ADGRA3: variants seen among roughly 807,000 people sequenced by gnomAD.
ADGRA3 encodes the protein adhesion G protein-coupled receptor A3, also known as G-protein coupled receptor 125.
ADGRA3 carries 56 observed loss-of-function variants against 119.8 expected under a neutral mutation model. The ratio of observed to expected loss-of-function variants is 0.47; its 90% CI spans 0.38 to 0.58. The LOEUF is 0.58. ADGRA3 is among the 20% of genes least tolerant of loss of function. ADGRA3 has a pLI of 0.00. For synonymous variants in ADGRA3, 607 were observed against 623.8 expected, an observed-to-expected ratio of 0.97 and a Z score of 0.40; for missense variants, 1,516 against 1,649.0, an observed-to-expected ratio of 0.92 and a Z score of 1.40.
chr4:22,461,447 C>A (rs1044831977), intron 3 of ADGRA3, among the ~76,000 whole-genome samples: 15 of 152,156 alleles, frequency 9.9e-5, no homozygotes, highest in Admixed American at 2.0e-4. Context: ...ACTACAGGCA[C>A]ACACCACCAT....
intron 2 of ADGRA3, among the ~76,000 whole-genome samples, chr4:22,463,217 T>C (rs780306817): frequency 2.6e-5 from 4 of 152,190 alleles, no homozygotes; most frequent in Non-Finnish European, 5.9e-5. Flanking sequence ...TCCAACACTA[T>C]TCTTCATTTA....
intron 1 of ADGRA3, among the ~76,000 whole-genome samples, chr4:22,505,327 A>G (rs370635406): frequency 3.0e-4 from 46 of 152,266 alleles, no homozygotes; most frequent in African/African-American, 1.1e-3. Context: ...CGTCTTGCAA[A>G]TTCTCCTTTA....
At chr4:22,414,342 G>T in intron 12 of ADGRA3, 1 of 348,552 alleles carries the variant, frequency 2.9e-6, no homozygotes, top group African/African-American at 2.1e-5. Flanking sequence ...AAATTTCCTT[G>T]AGACTAGGAA....
In ADGRA3 at chr4:22,460,060, G is replaced by A. The variant is rs185351635; in HGVS notation, c.401+1677C>T. ...AAGAGATACATTCTTGCACACCTGC[G>A]CCCACCCTGTTTGGAAGGCCTTTTT... On this transcript the variant is annotated intron_variant, in intron 3 of 18. Coordinates refer to ENST00000334304, the MANE Select transcript of ADGRA3 (RefSeq NM_145290.4). Among the ~76,000 whole-genome samples, 6 of 152,118 alleles carry A rather than the reference G, an allele frequency of 3.9e-5. No homozygotes were observed. The East Asian group carries it at 9.7e-4, about 24-fold the overall frequency.
chr4:22,392,694 C>T lies in ADGRA3; in HGVS notation c.2482-4G>A, dbSNP rs1263792854. On this transcript the variant is annotated splice_region_variant and splice_polypyrimidine_tract_variant and intron_variant, in intron 16 of 18. Coordinates refer to ENST00000334304, the MANE Select transcript of ADGRA3 (RefSeq NM_145290.4). ...AATAGTGAAGAATTATCCCAACCTA[C>T]AAGGAAGATCAAAGAATAAATAAAA... is the stretch of plus-strand genomic sequence containing the variant. 1.9e-6 allele frequency: 3 copies of T among 1,599,012 alleles called. No individual in the cohort carries two copies. The highest frequency in any genetic ancestry group is 2.7e-5 in the African/African-American group (2 of 73,824).
intron 14 of ADGRA3, among the ~76,000 whole-genome samples, chr4:22,409,656 T>C (rs528704604): frequency 6.6e-6 from 1 of 152,236 alleles, no homozygotes; most frequent in South Asian, 2.1e-4. Flanking sequence ...TTAATAAAGA[T>C]TGGCCACCAC....
At chr4:22,487,120 C>A (rs561543307) in intron 1 of ADGRA3, among the ~76,000 whole-genome samples, 1 of 152,338 alleles carries the variant, frequency 6.6e-6, no homozygotes, top group African/African-American at 2.4e-5. Context: ...CTGTTAACGC[C>A]TCTGGGGTTC....
At chr4:22,430,570 G>T (rs1402604100) in intron 10 of ADGRA3, among the ~76,000 whole-genome samples, 2 of 152,122 alleles carry the variant, frequency 1.3e-5, no homozygotes, top group African/African-American at 4.8e-5. Flanking sequence ...CATTCAAGAG[G>T]TGACTTGAGT....
At chr4:22,397,790 T>C (rs1714427785) in intron 16 of ADGRA3, among the ~76,000 whole-genome samples, 1 of 152,180 alleles carries the variant, frequency 6.6e-6, no homozygotes, top group Non-Finnish European at 1.5e-5. Context: ...ATGACTTTGC[T>C]CTTCCTTTGC....
At chr4:22,502,544 G>A (rs1471619743) in intron 1 of ADGRA3, among the ~76,000 whole-genome samples, 1 of 152,126 alleles carries the variant, frequency 6.6e-6, no homozygotes, top group Non-Finnish European at 1.5e-5. Flanking sequence ...AAGAAAGAGT[G>A]GTCATTCAAT....
chr4:22,443,278 A>G (rs1716695622), intron 6 of ADGRA3: 3 of 476,634 alleles, frequency 6.3e-6, no homozygotes, highest in Admixed American at 3.9e-5. Context: ...ATGCATGTTC[A>G]CTCCAGAAAA....
chr4:22,427,461 T>TA (rs544251760), intron 10 of ADGRA3, among the ~76,000 whole-genome samples: 2,168 of 144,768 alleles, frequency 0.015, 44 homozygotes, highest in African/African-American at 0.049. Flanking sequence ...TTAATAATTA[T>TA]AAAAAAAAAA....
At chr4:22,390,840 C>T (rs903673344) in intron 17 of ADGRA3, among the ~76,000 whole-genome samples, 1 of 152,112 alleles carries the variant, frequency 6.6e-6, no homozygotes, top group Non-Finnish European at 1.5e-5. Flanking sequence ...TTCTCAGAAC[C>T]TTATAGGAAT....
intron 7 of ADGRA3, among the ~76,000 whole-genome samples, chr4:22,438,743 C>A (rs1716495470): frequency 6.6e-6 from 1 of 152,058 alleles, no homozygotes; most frequent in African/African-American, 2.4e-5. Flanking sequence ...GGCAAGTAAT[C>A]CCAGCACTCT....
chr4:22,469,092 G>C (rs907334950), intron 2 of ADGRA3, among the ~76,000 whole-genome samples: 1 of 151,944 alleles, frequency 6.6e-6, no homozygotes, highest in Non-Finnish European at 1.5e-5. Flanking sequence ...TGACAGAAGG[G>C]CCTATGTACT....
intron 15 of ADGRA3, among the ~76,000 whole-genome samples, chr4:22,402,390 G>A (rs556049206): frequency 9.7e-4 from 148 of 152,004 alleles, no homozygotes; most frequent in Admixed American, 1.9e-3. Flanking sequence ...CTCCTATTGC[G>A]CCTGTGACCC....
chr4:22,474,564 G>T (rs995240829), intron 1 of ADGRA3, among the ~76,000 whole-genome samples: 3 of 152,198 alleles, frequency 2.0e-5, no homozygotes, highest in Admixed American at 6.5e-5. Context: ...AGCTTTTGGA[G>T]CCTGAATATC....
Position 22,388,778 on chromosome 4 carries a change from T to G in ADGRA3, c.2893A>C (p.Asn965His). 1 of 1,614,118 alleles carries G rather than the reference T, an allele frequency of 6.2e-7. No homozygotes were observed. The highest frequency in any genetic ancestry group is 8.5e-7 in the Non-Finnish European group (1 of 1,179,974). ...TGATGATTTATTTCGCCATTTTCAT[T>G]GGCTGCCAATCTCTGTTGCTCCTCC... ...PTEEQQRLAA[N>H]ENGEINHQDS... Residue 965 changes from asparagine (N) to histidine (H), a missense_variant, in exon 19 of 19, where the codon AAT (asparagine) becomes CAT (histidine). Asn to His is a moderately conservative substitution (Grantham distance 68). This residue lies in a region of ADGRA3 where 1,088 missense variants were observed against 1,107.1 expected (regional missense o/e 0.98). Coordinates refer to ENST00000334304, the MANE Select transcript of ADGRA3 (RefSeq NM_145290.4).
At chr4:22,461,178 T>C (rs1045405947) in intron 3 of ADGRA3, among the ~76,000 whole-genome samples, 8 of 152,260 alleles carry the variant, frequency 5.3e-5, no homozygotes, top group African/African-American at 9.6e-5. Flanking sequence ...CTACAGATTA[T>C]GTGCGCCGGC....
Sources: allele counts gnomAD v4.1 joint callset (sites outside exome capture counted in the v4.1 genomes callset), GRCh38; gene constraint gnomAD v4.1.1; regional missense constraint gnomAD v4.1.1; transcripts MANE v1.5; gene names NCBI Gene and HGNC (gene_info 2026-07-23, HGNC 2026-07-21).